Variants in ARNT observed in about 807,000 individuals in gnomAD.
The protein encoded by ARNT is class E basic helix-loop-helix protein 2.
A neutral mutation model predicts 105.0 loss-of-function variants in ARNT; 30 were observed. The ratio of observed to expected loss-of-function variants is 0.29; its 90% CI spans 0.21 to 0.39. The LOEUF (loss-of-function observed/expected upper bound fraction) is 0.39. ARNT is among the 10% of genes least tolerant of loss of function. The pLI, the probability that ARNT is intolerant of heterozygous loss-of-function variation, is 1.00. For missense variants in ARNT, 748 were observed against 978.7 expected (o/e 0.76, Z 3.15); for synonymous variants, 304 against 344.0 (o/e 0.88, Z 1.29).
intron 1 of ARNT, among the ~76,000 whole-genome samples, chr1:150,873,447 C>T (rs587619278): frequency 8.6e-5 from 13 of 151,926 alleles, no homozygotes; most frequent in Admixed American, 2.0e-4. Context: ...ATTATCAATT[C>T]GAGAAAAAAA....
intron 1 of ARNT, 100 bp from the exon 2 acceptor site, chr1:150,858,560 A>G (rs1377255945): frequency 2.2e-6 from 2 of 926,872 alleles, no homozygotes; most frequent in Non-Finnish European, 3.3e-6. Context: ...GCTATAGACA[A>G]AATCTCAGCA....
chr1:150,824,035 G>A (rs1275029433), intron 13 of ARNT, among the ~76,000 whole-genome samples: 1 of 150,334 alleles, frequency 6.7e-6, no homozygotes, highest in Non-Finnish European at 1.5e-5. Context: ...TATAGACGGG[G>A]TTTCACCATG....
At chr1:150,872,839 G>A (rs902776216) in intron 1 of ARNT, among the ~76,000 whole-genome samples, 2 of 152,056 alleles carry the variant, frequency 1.3e-5, no homozygotes, top group Admixed American at 6.6e-5. Context: ...GTGCACACCT[G>A]TGGTCCCACC....
chr1:150,868,016 G>C (rs1666886849), intron 1 of ARNT, among the ~76,000 whole-genome samples: 1 of 152,052 alleles, frequency 6.6e-6, no homozygotes, highest in African/African-American at 2.4e-5. Context: ...ATTTATAGCA[G>C]TGTGAGAATG....
chr1:150,871,294 GTTTTT>G (rs754698911), intron 1 of ARNT, among the ~76,000 whole-genome samples: 8 of 94,620 alleles, frequency 8.5e-5, no homozygotes, highest in Non-Finnish European at 1.4e-4. Flanking sequence ...GGCAGTCGTG[GTTTTT>G]TTTTTTTTTT....
chr1:150,812,497 T>C (rs1654939394), intron 21 of ARNT: 1 of 161,398 alleles, frequency 6.2e-6, no homozygotes, highest in East Asian at 1.7e-4. Context: ...CTGCCTAAGA[T>C]TACTCCATTC....
In ARNT at chr1:150,811,062, G is replaced by A. The variant is rs185327597; in HGVS notation, c.*959C>T. On this transcript the variant is annotated 3_prime_UTR_variant, in exon 22 of 22. Transcript: ENST00000358595. ...TCATATGTGATTCTGACAGAAAAAT[G>A]CAGCATTATCTTTATGGCCAAGTCT... 2 of 232,110 alleles carry A rather than the reference G, an allele frequency of 8.6e-6. No individual in the cohort carries two copies. Among genetic ancestry groups the A allele is most frequent in the Non-Finnish European group, 8.5e-6 (1 of 117,038 alleles). 14.4% of individuals were successfully genotyped at this position (232,110 alleles called of 1,614,324 possible). A position where few individuals can be genotyped will look rare whatever the true frequency, so the allele number is the denominator to read the frequency against.
Position 150,811,982 on chromosome 1 carries a change from A to T in ARNT, c.*39T>A. The T allele has an allele frequency of 7.2e-7, 1 of 1,395,206 alleles. No homozygotes were observed. The highest frequency in any genetic ancestry group is 9.5e-7 in the Non-Finnish European group (1 of 1,053,352). 86.4% of individuals were successfully genotyped at this position (1,395,206 alleles called of 1,614,324 possible). A position where few individuals can be genotyped will look rare whatever the true frequency, so the allele number is the denominator to read the frequency against. On this transcript the variant is annotated 3_prime_UTR_variant, in exon 22 of 22. Transcript: ENST00000358595. ...ATTTGCTTTTTAAAAACAAACAGTG[A>T]TTTTTTCTCCCCCACCCCTTATCCT... is the stretch of plus-strand genomic sequence containing the variant.
chr1:150,825,879 TCTA>T (rs893541569), intron 13 of ARNT, among the ~76,000 whole-genome samples: 1 of 151,492 alleles, frequency 6.6e-6, no homozygotes, highest in Non-Finnish European at 1.5e-5. Flanking sequence ...AATGAATTTT[TCTA>T]CTACAAGCTT....
At position 150,860,204 on chromosome 1, in the gene ARNT, G is replaced by GAA. The variant is rs200512038; in HGVS notation, c.26-1746_26-1745dup. Among the ~76,000 whole-genome samples, 9 of 121,888 alleles carry GAA rather than the reference G, an allele frequency of 7.4e-5. No homozygotes were observed. In the South Asian group the frequency reaches 8.4e-4, roughly 11 times the overall value. The allele number at this position is 121,888 out of a possible 152,430, so 80.0% of individuals were successfully genotyped here. A position where few individuals can be genotyped will look rare whatever the true frequency, so the allele number is the denominator to read the frequency against. On this transcript the variant is annotated intron_variant, in intron 1 of 21. Transcript: ENST00000358595. ...GAGTGAAAAGGCAACCCATGGAATA[G>GAA]AAAAAAAAAAATTCTTTTTTTTTTT...
intron 3 of ARNT, among the ~76,000 whole-genome samples, chr1:150,850,313 G>T (rs1306918163): frequency 6.6e-6 from 1 of 151,990 alleles, no homozygotes; most frequent in Admixed American, 6.6e-5. Context: ...CTCTTTCCAC[G>T]GTCTCCCTCT....
chr1:150,836,256 A>G (rs1430675272), intron 7 of ARNT, 24 bp downstream of exon 7: 1 of 1,601,240 alleles, frequency 6.2e-7, no homozygotes, highest in South Asian at 1.1e-5. Flanking sequence ...CTTCTCATTC[A>G]TTTCCCATAC....
intron 1 of ARNT, among the ~76,000 whole-genome samples, chr1:150,871,297 T>G (rs1354119568): frequency 7.0e-6 from 1 of 141,846 alleles, no homozygotes; most frequent in Non-Finnish European, 1.5e-5. Context: ...AGTCGTGGTT[T>G]TTTTTTTTTT....
At chr1:150,873,051 G>A (rs587748718) in intron 1 of ARNT, among the ~76,000 whole-genome samples, 6 of 152,108 alleles carry the variant, frequency 3.9e-5, no homozygotes, top group Middle Eastern at 3.4e-3. Context: ...TTGGGAGGCC[G>A]AGGCAGGCGG....
At chr1:150,857,472 A>G (rs1330655259) in intron 2 of ARNT, among the ~76,000 whole-genome samples, 1 of 152,214 alleles carries the variant, frequency 6.6e-6, no homozygotes, top group Non-Finnish European at 1.5e-5. Flanking sequence ...TACTGAACAT[A>G]TAACAAGTCT....
At chr1:150,814,006 A>C in intron 20 of ARNT, 71 bp downstream of exon 20, 1 of 1,564,004 alleles carries the variant, frequency 6.4e-7, no homozygotes. Context: ...CAGGCAAACA[A>C]CTTTAACTAC....
At chr1:150,851,209 C>A (rs1459089582) in intron 3 of ARNT, among the ~76,000 whole-genome samples, 1 of 149,504 alleles carries the variant, frequency 6.7e-6, no homozygotes, top group South Asian at 2.1e-4. Context: ...GGCCAGCCCC[C>A]GCCCGGCCAG....
intron 14 of ARNT, chr1:150,818,240 T>C: frequency 2.1e-6 from 1 of 469,674 alleles, no homozygotes. Context: ...GACACAGGGG[T>C]CATCTTGTTG....
At chr1:150,840,537 T>C (rs1230481182) in intron 5 of ARNT, among the ~76,000 whole-genome samples, 1 of 152,230 alleles carries the variant, frequency 6.6e-6, no homozygotes, top group African/African-American at 2.4e-5. Context: ...TGAAGTTTTA[T>C]TTGGCCCATT....
Sources: allele counts gnomAD v4.1 joint callset (sites outside exome capture counted in the v4.1 genomes callset), GRCh38; gene constraint gnomAD v4.1.1; transcripts MANE v1.5; gene names NCBI Gene and HGNC (gene_info 2026-07-23, HGNC 2026-07-21).